Variants in GLIS3 observed in about 807,000 individuals in gnomAD.
The protein encoded by GLIS3 is GLIS family zinc finger 3.
Under a neutral mutation model 78.6 loss-of-function variants are expected in GLIS3, and 53 were observed. The observed-to-expected ratio is 0.67, with a 90% CI of 0.54 to 0.85. GLIS3 has a LOEUF of 0.85. GLIS3 is among the 40% of genes least tolerant of loss of function. The pLI, the probability that GLIS3 is intolerant of heterozygous loss-of-function variation, is 0.00. For synonymous variants in GLIS3, 684 were observed against 509.9 expected (o/e 1.34, Z -4.60); for missense variants, 1,703 against 1,231.1 (o/e 1.38, Z -5.74).
At chr9:4,046,669 G>A (rs1229020617) in intron 4 of GLIS3, among the ~76,000 whole-genome samples, 4 of 152,114 alleles carry the variant, frequency 2.6e-5, no homozygotes, top group East Asian at 1.9e-4. Flanking sequence ...CACTTCTAGC[G>A]TTGCATTTTT....
Position 4,117,995 on chromosome 9 carries a change from C to G in GLIS3, c.1483G>C (p.Gly495Arg). The change falls in exon 4 of 11, where the codon GGC (glycine) becomes CGC (arginine). Residue 495 changes from glycine (G) to arginine (R), a missense_variant. By Grantham distance (125) the Gly-to-Arg change is moderately radical. Transcript: ENST00000381971. ...CGGCAGCAATGCTTGCCCCCGATGC[C>G]GTCCATCTCCCCGTCGTCGTCCAGG... ...ATLDDDGEMD[G>R]IGGKHCCRWI... 3.1e-6 allele frequency: 5 copies of G among 1,610,626 alleles called. No individual in the cohort carries two copies. Among genetic ancestry groups the G allele is most frequent in the Non-Finnish European group, 2.5e-6 (3 of 1,178,580 alleles).
chr9:4,379,443 T>A, the GLIS3 span, among the ~76,000 whole-genome samples: 2 of 152,228 alleles, frequency 1.3e-5, no homozygotes, highest in African/African-American at 2.4e-5. Context: ...GCCTCTGGAT[T>A]TTTCAGCCCT....
At chr9:3,912,506 T>C (rs1344996486) in intron 6 of GLIS3, among the ~76,000 whole-genome samples, 2 of 152,216 alleles carry the variant, frequency 1.3e-5, no homozygotes, top group Non-Finnish European at 2.9e-5. Flanking sequence ...TGTCCCACTA[T>C]CTAGCTATGC....
intron 7 of GLIS3, 85 bp downstream of exon 7, chr9:3,898,606 T>G (rs1365091285): frequency 1.3e-6 from 2 of 1,555,868 alleles, no homozygotes; most frequent in Admixed American, 1.7e-5. Context: ...TTAGGAAAAT[T>G]TTTCTCACGT....
chr9:4,081,603 T>A (rs1254781635), intron 4 of GLIS3, among the ~76,000 whole-genome samples: 1 of 152,140 alleles, frequency 6.6e-6, no homozygotes, highest in African/African-American at 2.4e-5. Context: ...CCCAACTAGT[T>A]GGAAATATAT....
chr9:4,168,308 T>C (rs1212406085), intron 2 of GLIS3, among the ~76,000 whole-genome samples: 1 of 152,182 alleles, frequency 6.6e-6, no homozygotes, highest in Non-Finnish European at 1.5e-5. Context: ...ATTATACATA[T>C]AAGACAAGTC....
At chr9:4,355,334 G>C in the GLIS3 span, among the ~76,000 whole-genome samples, 2 of 152,094 alleles carry the variant, frequency 1.3e-5, no homozygotes, top group African/African-American at 2.4e-5. Flanking sequence ...CAGGGCTCCT[G>C]TAAGGCAGGG....
At chr9:4,048,322 A>G in intron 4 of GLIS3, among the ~76,000 whole-genome samples, 1 of 152,196 alleles carries the variant, frequency 6.6e-6, no homozygotes, top group Non-Finnish European at 1.5e-5. Context: ...ATGGAAGGGC[A>G]AAAAGCTGTT....
chr9:4,199,441 CATATCAT>C (rs1392097021), intron 2 of GLIS3, among the ~76,000 whole-genome samples: 2 of 149,358 alleles, frequency 1.3e-5, no homozygotes, highest in East Asian at 3.9e-4. Flanking sequence ...ACTTTTATAA[CATATCAT>C]ATATAAGTTA....
intron 2 of GLIS3, among the ~76,000 whole-genome samples, chr9:4,216,268 C>A (rs552143475): frequency 6.6e-6 from 1 of 151,750 alleles, no homozygotes; most frequent in Non-Finnish European, 1.5e-5. Context: ...GTCAGGAAAT[C>A]GAGACCATCC....
intron 1 of GLIS3, chr9:4,298,333 G>A: frequency 2.2e-6 from 1 of 455,654 alleles, no homozygotes; most frequent in Admixed American, 2.4e-5. Context: ...AAGTCGGAGG[G>A]CGCGAACGCG....
intron 2 of GLIS3, among the ~76,000 whole-genome samples, chr9:4,199,836 C>A (rs1277553421): frequency 6.6e-6 from 1 of 152,144 alleles, no homozygotes; most frequent in Non-Finnish European, 1.5e-5. Flanking sequence ...GAATACTTCA[C>A]CTTCAACGAA....
chr9:4,029,439 T>C (rs1823624512), intron 4 of GLIS3, among the ~76,000 whole-genome samples: 2 of 152,198 alleles, frequency 1.3e-5, no homozygotes, highest in Non-Finnish European at 2.9e-5. Flanking sequence ...CCCTTAAGCA[T>C]TTATCCTTCG....
At chr9:4,473,137 A>T in the GLIS3 span, among the ~76,000 whole-genome samples, 1 of 152,168 alleles carries the variant, frequency 6.6e-6, no homozygotes, top group Non-Finnish European at 1.5e-5. Flanking sequence ...TATTCACAAT[A>T]GCCAAGACAT....
chr9:4,250,888 G>A (rs1224601812), intron 2 of GLIS3, among the ~76,000 whole-genome samples: 4 of 152,184 alleles, frequency 2.6e-5, no homozygotes, highest in Admixed American at 2.0e-4. Context: ...TCATTCAGGA[G>A]CAGGTTGTTC....
At position 4,036,025 on chromosome 9, in the gene GLIS3, T is replaced by C. The variant is rs540450468; in HGVS notation, c.1710+81743A>G. On this transcript the variant is annotated intron_variant, in intron 4 of 10. Transcript: ENST00000381971. ...ACTTGGCCTTGAGCCGCCTGGAGTT[T>C]ACTCTGTAGGTTTCAGTTTGCCTGA... The C allele has an allele frequency of 1.4e-4, 21 of 152,422 alleles. 2 individuals are homozygous for C. The South Asian group carries it at 3.5e-3, about 26-fold the overall frequency. 9.4% of individuals were successfully genotyped at this position (152,422 alleles called of 1,614,324 possible). A position where few individuals can be genotyped will look rare whatever the true frequency, so the allele number is the denominator to read the frequency against.
At chr9:3,834,231 C>G (rs1818211540) in intron 9 of GLIS3, among the ~76,000 whole-genome samples, 1 of 152,120 alleles carries the variant, frequency 6.6e-6, no homozygotes, top group Admixed American at 6.5e-5. Flanking sequence ...GATGATAAAG[C>G]AGCCCCATAA....
intron 4 of GLIS3, among the ~76,000 whole-genome samples, chr9:4,010,120 TC>T (rs1476429745): frequency 1.3e-5 from 2 of 151,934 alleles, no homozygotes; most frequent in Non-Finnish European, 2.9e-5. Context: ...TCCAGGGATC[TC>T]CCCCGGGGTG....
chr9:4,135,700 A>T (rs1833356536), intron 2 of GLIS3, among the ~76,000 whole-genome samples: 1 of 152,332 alleles, frequency 6.6e-6, no homozygotes, highest in Admixed American at 6.5e-5. Flanking sequence ...CTCTTTTCTC[A>T]AATGGGAGAA....
Sources: gnomAD v4.1 joint callset for allele counts (sites outside exome capture counted in the v4.1 genomes callset) on GRCh38, gnomAD v4.1.1 for gene constraint, MANE v1.5 for transcripts, NCBI Gene and HGNC (gene_info 2026-07-23, HGNC 2026-07-21) for gene names.